The following SLC25A48 variants were observed in gnomAD, a reference collection of about 807,000 sequenced individuals.
SLC25A48 encodes the protein solute carrier family 25 member 48.
A neutral mutation model predicts 32.2 loss-of-function variants in SLC25A48; 29 were observed. The ratio of observed to expected loss-of-function variants is 0.90; its 90% confidence interval spans 0.67 to 1.23. The LOEUF (loss-of-function observed/expected upper bound fraction) is 1.23, where lower values mean the gene tolerates loss of function less well. SLC25A48 is among the 50% of genes most tolerant of loss of function. The pLI, the probability that SLC25A48 is intolerant of heterozygous loss-of-function variation, is 0.00. For missense variants in SLC25A48, 399 were observed against 422.7 expected (o/e 0.94, Z 0.49); for synonymous variants, 164 against 172.3 (o/e 0.95, Z 0.38).
intron 3 of SLC25A48, among the ~76,000 whole-genome samples, chr5:135,715,414 T>A (rs1397149324): frequency 6.6e-6 from 1 of 152,190 alleles, no homozygotes; most frequent in Non-Finnish European, 1.5e-5. Flanking sequence ...CCAGCAAGCC[T>A]GATGACAGTG....
chr5:135,702,546 G>T (rs925584445), intron 3 of SLC25A48, among the ~76,000 whole-genome samples: 1 of 152,254 alleles, frequency 6.6e-6, no homozygotes, highest in African/African-American at 2.4e-5. Context: ...CAAACTATGA[G>T]ATAACAAATT....
chr5:135,840,440 C>T (rs1429423768), intron 1 of SLC25A48, among the ~76,000 whole-genome samples: 10 of 152,166 alleles, frequency 6.6e-5, no homozygotes, highest in Admixed American at 5.2e-4. Context: ...TAATAGAAAA[C>T]CATTTGAAAG....
At chr5:135,701,706 G>C (rs144310096) in intron 3 of SLC25A48, among the ~76,000 whole-genome samples, 1 of 152,224 alleles carries the variant, frequency 6.6e-6, no homozygotes, top group Middle Eastern at 3.4e-3. Flanking sequence ...ATGTTCCCTC[G>C]GCAAGGTCCT....
chr5:135,749,694 C>A (rs991570472), intron 3 of SLC25A48, among the ~76,000 whole-genome samples: 13 of 152,096 alleles, frequency 8.5e-5, no homozygotes, highest in Non-Finnish European at 1.8e-4. Context: ...CGGGTTCAAG[C>A]GATTCTCCTG....
At chr5:135,672,814 A>C (rs1753686297) in intron 3 of SLC25A48, among the ~76,000 whole-genome samples, 1 of 152,220 alleles carries the variant, frequency 6.6e-6, no homozygotes, top group Non-Finnish European at 1.5e-5. Context: ...ACTACAATCA[A>C]GATTATAAAT....
chr5:135,606,461 G>C (rs1751933885), intron 1 of SLC25A48, among the ~76,000 whole-genome samples: 1 of 152,148 alleles, frequency 6.6e-6, no homozygotes, highest in Non-Finnish European at 1.5e-5. Context: ...GCACCACCAG[G>C]TCACAAAGTG....
intron 7 of SLC25A48, among the ~76,000 whole-genome samples, chr5:135,881,603 G>C (rs1762476463): frequency 6.6e-6 from 1 of 152,194 alleles, no homozygotes; most frequent in South Asian, 2.1e-4. Flanking sequence ...TCCAGGATAG[G>C]GAAGGAATTC....
In SLC25A48 at chr5:135,695,853, G is replaced by T. The variant is rs551921507; in HGVS notation, c.-521+60897G>T. Among the ~76,000 whole-genome samples, 21 of 152,350 alleles carry T rather than the reference G, an allele frequency of 1.4e-4. No individual in the cohort carries two copies. The South Asian group carries it at 3.7e-3, about 27-fold the overall frequency. On this transcript the variant is annotated intron_variant, in intron 3 of 10. Transcript: ENST00000646290. The stretch of plus-strand genomic sequence containing the variant: ...TTCCCAGCAGCTCTGGGATGGGAGG[G>T]AGGTCAGCTCTTAATCTTAGTCACT...
chr5:135,638,694 A>G (rs1467175237), intron 3 of SLC25A48, among the ~76,000 whole-genome samples: 4 of 152,224 alleles, frequency 2.6e-5, no homozygotes, highest in African/African-American at 9.7e-5. Context: ...TCACATGGCT[A>G]TTGATAAGGT....
intron 3 of SLC25A48, among the ~76,000 whole-genome samples, chr5:135,747,085 G>T (rs1580837014): frequency 6.6e-6 from 1 of 151,726 alleles, no homozygotes; most frequent in East Asian, 1.9e-4. Flanking sequence ...GGTAAAGGTG[G>T]TGTCTGCCCC....
chr5:135,628,773 CT>C (rs1752495369), intron 1 of SLC25A48, among the ~76,000 whole-genome samples: 1 of 152,166 alleles, frequency 6.6e-6, no homozygotes, highest in Non-Finnish European at 1.5e-5. Flanking sequence ...CTCTCTCCCT[CT>C]TTCATTCCCA....
intron 1 of SLC25A48, among the ~76,000 whole-genome samples, chr5:135,605,013 A>G (rs1039481147): frequency 6.6e-6 from 1 of 152,242 alleles, no homozygotes; most frequent in Admixed American, 6.5e-5. Context: ...GGTGTTCTTG[A>G]AATATAAACA....
chr5:135,787,387 T>C (rs1300005044), intron 3 of SLC25A48, among the ~76,000 whole-genome samples: 1 of 152,032 alleles, frequency 6.6e-6, no homozygotes, highest in Non-Finnish European at 1.5e-5. Context: ...TTACAACCTG[T>C]GATATTAGCA....
intron 3 of SLC25A48, among the ~76,000 whole-genome samples, chr5:135,684,928 A>G (rs1473197335): frequency 2.0e-5 from 3 of 152,202 alleles, no homozygotes; most frequent in South Asian, 2.1e-4. Context: ...ACATGCAAGT[A>G]GTCAACTTAC....
intron 3 of SLC25A48, among the ~76,000 whole-genome samples, chr5:135,723,378 TCTCA>T (rs1454819378): frequency 0.015 from 819 of 54,492 alleles, 5 homozygotes; most frequent in African/African-American, 0.032. Context: ...TCTCTCTCTC[TCTCA>T]CACACACACA....
At chr5:135,638,211 T>C (rs1304313087) in intron 3 of SLC25A48, among the ~76,000 whole-genome samples, 2 of 152,220 alleles carry the variant, frequency 1.3e-5, no homozygotes, top group African/African-American at 4.8e-5. Flanking sequence ...TATGCTTTGG[T>C]ATTGAAATAA....
chr5:135,874,036 G>A lies in SLC25A48; in HGVS notation c.695G>A (p.Gly232Glu). ...AGGMAGAISWGTATPMDVVKS... is the reference protein window; with the variant it reads ...AGGMAGAISWETATPMDVVKS... ...CTCTTTGCAGGAGCAATTTCTTGGG[G>A]GACAGCGACTCCTATGGATGTCGTG... The change falls in exon 6 of 8, where the codon GGG becomes GAG. Residue 232 changes from glycine to glutamate, a missense_variant. Coordinates refer to ENST00000681962, the MANE Select transcript of SLC25A48 (RefSeq NM_001349336.2). 6.5e-7 allele frequency: 1 copy of A among 1,532,230 alleles called. No homozygotes were observed. Among genetic ancestry groups the A allele is most frequent in the Admixed American group, 2.0e-5 (1 of 50,218 alleles). 94.9% of individuals were successfully genotyped at this position (1,532,230 alleles called of 1,614,324 possible).
chr5:135,754,569 GAATGA>G (rs1755849953), intron 3 of SLC25A48, among the ~76,000 whole-genome samples: 1 of 151,564 alleles, frequency 6.6e-6, no homozygotes, highest in African/African-American at 2.4e-5. Flanking sequence ...ACTATGATAT[GAATGA>G]AATATCACTA....
intron 3 of SLC25A48, among the ~76,000 whole-genome samples, chr5:135,743,570 T>C (rs988228520): frequency 6.6e-6 from 1 of 152,182 alleles, no homozygotes; most frequent in Admixed American, 6.5e-5. Flanking sequence ...AATGAAACTA[T>C]CTCATTTCAA....
Sources: gnomAD v4.1 joint callset for allele counts (sites outside exome capture counted in the v4.1 genomes callset) on GRCh38, gnomAD v4.1.1 for gene constraint, MANE v1.5 for transcripts, NCBI Gene and HGNC (gene_info 2026-07-23, HGNC 2026-07-21) for gene names.